Variants in POU2AF1 observed in about 807,000 individuals in gnomAD.
The protein encoded by POU2AF1 is POU class 2 homeobox associating factor 1.
A neutral mutation model predicts 26.3 loss-of-function variants in POU2AF1; 12 were observed. The observed-to-expected ratio is 0.46, with a 90% confidence interval of 0.29 to 0.74. POU2AF1 has a LOEUF of 0.74. Among genes scored for constraint, POU2AF1 ranks in the 30% least tolerant of loss-of-function variants. The pLI is 0.09. For synonymous variants in POU2AF1, 175 were observed against 148.0 expected, an observed-to-expected ratio of 1.18 and a Z score of -1.32; for missense variants, 297 against 334.5, an observed-to-expected ratio of 0.89 and a Z score of 0.87.
At position 111,379,217 on chromosome 11, in the gene POU2AF1, C is replaced by T. The variant is rs1861373806; in HGVS notation, c.-40G>A. 4 of 1,613,764 alleles carry T rather than the reference C, an allele frequency of 2.5e-6. No individual in the cohort carries two copies. Among genetic ancestry groups the T allele is most frequent in the Non-Finnish European group, 3.4e-6 (4 of 1,179,634 alleles). ...TGTTGCCTTTTCTCTTTGAAGCCGACAGTTTGGCTTCTTTAATGTGAGACC... is the reference window on the plus strand; with the variant it reads ...TGTTGCCTTTTCTCTTTGAAGCCGATAGTTTGGCTTCTTTAATGTGAGACC... On this transcript the variant is annotated 5_prime_UTR_variant, in exon 1 of 5. Coordinates refer to ENST00000393067, the MANE Select transcript of POU2AF1 (RefSeq NM_006235.3).
chr11:111,363,899 A>T, intron 1 of POU2AF1: 1 of 985,428 alleles, frequency 1.0e-6, no homozygotes, highest in Non-Finnish European at 1.2e-6. Flanking sequence ...TCACGGAGGA[A>T]AATCTTTCCA....
At chr11:111,360,772 C>G (rs1860991291) in intron 1 of POU2AF1, among the ~76,000 whole-genome samples, 1 of 151,916 alleles carries the variant, frequency 6.6e-6, no homozygotes, top group Non-Finnish European at 1.5e-5. Context: ...GGTGAAAGCC[C>G]ATATTTACTG....
chr11:111,357,723 G>C lies in POU2AF1; in HGVS notation c.191-13C>G. 1 of 1,611,854 alleles carries C rather than the reference G, an allele frequency of 6.2e-7. No individual in the cohort carries two copies. Among genetic ancestry groups the C allele is most frequent in the Non-Finnish European group, 8.5e-7 (1 of 1,178,976 alleles). ...AGGCAGGAAGGACCTGTGGGAAGAAGGAAATTACAGAACTTCAGATGCCAC... is the reference window on the plus strand; with the variant it reads ...AGGCAGGAAGGACCTGTGGGAAGAACGAAATTACAGAACTTCAGATGCCAC... On this transcript the variant is annotated splice_polypyrimidine_tract_variant and intron_variant, in intron 3 of 4. Transcript: ENST00000393067.
At chr11:111,379,022 C>T (rs530237767) in intron 1 of POU2AF1, 140 bp downstream of exon 1, 4 of 552,060 alleles carry the variant, frequency 7.2e-6, no homozygotes, top group East Asian at 4.0e-5. Flanking sequence ...CCCCTCCCTG[C>T]TCCGGGGCTT....
intron 1 of POU2AF1, chr11:111,359,951 G>T: frequency 1.9e-6 from 1 of 519,030 alleles, no homozygotes; most frequent in African/African-American, 1.9e-5. Context: ...GACTTTCAGG[G>T]CATGGGACAA....
intron 1 of POU2AF1, among the ~76,000 whole-genome samples, chr11:111,370,120 G>C (rs1861180654): frequency 6.6e-6 from 1 of 152,180 alleles, no homozygotes; most frequent in Non-Finnish European, 1.5e-5. Flanking sequence ...CTGGGGTGTA[G>C]CCTTCGCAAG....
At chr11:111,371,225 C>T (rs1043860054) in intron 1 of POU2AF1, among the ~76,000 whole-genome samples, 1 of 151,904 alleles carries the variant, frequency 6.6e-6, no homozygotes, top group Non-Finnish European at 1.5e-5. Context: ...CTTTTTTGTC[C>T]CAGCACCTGG....
intron 1 of POU2AF1, among the ~76,000 whole-genome samples, chr11:111,367,715 A>G (rs7116862): frequency 0.64 from 97,446 of 152,014 alleles, 32,161 homozygotes; most frequent in Admixed American, 0.77. Flanking sequence ...TCAATTGCCA[A>G]TTTCCCCAAG....
Position 111,379,212 on chromosome 11 carries a change from G to A in POU2AF1, c.-35C>T. ...CAGGATGTTGCCTTTTCTCTTTGAA[G>A]CCGACAGTTTGGCTTCTTTAATGTG... On this transcript the variant is annotated 5_prime_UTR_variant, in exon 1 of 5. Transcript: ENST00000393067. The A allele has an allele frequency of 6.2e-7, 1 of 1,614,048 alleles. No individual in the cohort carries two copies. Among genetic ancestry groups the A allele is most frequent in the Non-Finnish European group, 8.5e-7 (1 of 1,179,914 alleles).
At chr11:111,358,460 T>A (rs1298689959) in intron 2 of POU2AF1, among the ~76,000 whole-genome samples, 6 of 132,662 alleles carry the variant, frequency 4.5e-5, no homozygotes, top group African/African-American at 1.8e-4. Flanking sequence ...ACACACTCTC[T>A]CACACACATA....
chr11:111,369,833 AG>A (rs1861174148), intron 1 of POU2AF1, among the ~76,000 whole-genome samples: 1 of 152,224 alleles, frequency 6.6e-6, no homozygotes, highest in Admixed American at 6.5e-5. Context: ...TATTAGATCA[AG>A]GCTTGAATCT....
chr11:111,378,701 C>T, intron 1 of POU2AF1, among the ~76,000 whole-genome samples: 1 of 152,024 alleles, frequency 6.6e-6, no homozygotes, highest in Admixed American at 6.5e-5. Flanking sequence ...TGGCAGAAAG[C>T]TAAGTCACTC....
At chr11:111,372,061 C>CAG (rs1324127111) in intron 1 of POU2AF1, among the ~76,000 whole-genome samples, 3 of 144,074 alleles carry the variant, frequency 2.1e-5, no homozygotes, top group African/African-American at 8.1e-5. Flanking sequence ...CACACACACA[C>CAG]ACACACACAG....
intron 1 of POU2AF1, chr11:111,363,311 C>A: frequency 2.9e-6 from 3 of 1,026,248 alleles, no homozygotes; most frequent in Non-Finnish European, 3.5e-6. Context: ...GGGTGCTTCT[C>A]ATAGTGACTT....
intron 1 of POU2AF1, chr11:111,360,125 C>A: frequency 2.0e-6 from 1 of 491,870 alleles, no homozygotes; most frequent in Non-Finnish European, 4.1e-6. Context: ...AACTGAAAAG[C>A]AGCCGTGGCT....
chr11:111,360,932 G>T lies in POU2AF1; in HGVS notation c.17-2014C>A, dbSNP rs546611320. On this transcript the variant is annotated intron_variant, in intron 1 of 4. Transcript: ENST00000393067. ...GCACTCCAGCCTGGCAACAGAGAGA[G>T]ACTCTGTCTCAAAAAAAAAAAAAAA... Among the ~76,000 whole-genome samples, 51 of 142,292 alleles carry T rather than the reference G, an allele frequency of 3.6e-4. 1 individual carries two copies. Among genetic ancestry groups the T allele is most frequent in the African/African-American group, 1.3e-3 (49 of 37,288 alleles). 93.3% of individuals were successfully genotyped at this position (142,292 alleles called of 152,430 possible). A position where few individuals can be genotyped will look rare whatever the true frequency, so the allele number is the denominator to read the frequency against.
chr11:111,368,050 C>T (rs189762713), intron 1 of POU2AF1, among the ~76,000 whole-genome samples: 1 of 152,296 alleles, frequency 6.6e-6, no homozygotes, highest in Admixed American at 6.5e-5. Context: ...GAGGTTCTTG[C>T]CCTCTTGGAG....
intron 2 of POU2AF1, among the ~76,000 whole-genome samples, chr11:111,358,438 A>C (rs1241925794): frequency 0.017 from 1,450 of 87,142 alleles, 41 homozygotes; most frequent in African/African-American, 0.06. Flanking sequence ...TCTCACACTC[A>C]CTCTCACACA....
Position 111,379,159 on chromosome 11 carries a change from T to C in POU2AF1, c.16+3A>G. The C allele has an allele frequency of 6.2e-7, 1 of 1,614,054 alleles. No homozygotes were observed. Among genetic ancestry groups the C allele is most frequent in the South Asian group, 1.1e-5 (1 of 91,076 alleles). On this transcript the variant is annotated splice_donor_region_variant and intron_variant, in intron 1 of 4. Transcript: ENST00000393067. ...GTCTGACAGCCACAGCCAAACCACT[T>C]ACGTTTTTGCCAGAGCATGGCCTGT...
Sources: allele counts gnomAD v4.1 joint callset (sites outside exome capture counted in the v4.1 genomes callset), GRCh38; gene constraint gnomAD v4.1.1; transcripts MANE v1.5; gene names NCBI Gene and HGNC (gene_info 2026-07-23, HGNC 2026-07-21).